CHST11: variants seen among roughly 807,000 people sequenced by gnomAD.
CHST11 encodes C4S-1.
CHST11 carries 9 observed loss-of-function variants against 30.4 expected under a neutral mutation model. That is an observed-to-expected ratio of 0.30 (90% CI 0.18 to 0.52). The LOEUF is 0.52. Ranked by LOEUF, CHST11 falls within the 20% of genes least tolerant of loss-of-function variation. The pLI, the probability that CHST11 is intolerant of heterozygous loss-of-function variation, is 0.97. For missense variants in CHST11, 348 were observed against 460.6 expected, an observed-to-expected ratio of 0.76 and a Z score of 2.24; for synonymous variants, 152 against 187.8, an observed-to-expected ratio of 0.81 and a Z score of 1.56.
intron 1 of CHST11, among the ~76,000 whole-genome samples, chr12:104,547,911 T>G (rs1218912215): frequency 6.6e-6 from 1 of 152,194 alleles, no homozygotes; most frequent in Non-Finnish European, 1.5e-5. Flanking sequence ...GCAGCTCTCT[T>G]GTACACATGA....
At chr12:104,602,939 C>T (rs2038970765) in intron 2 of CHST11, among the ~76,000 whole-genome samples, 1 of 151,966 alleles carries the variant, frequency 6.6e-6, no homozygotes, top group South Asian at 2.1e-4. Flanking sequence ...TACCCCCCTT[C>T]CCAATCTCTC....
In CHST11 at chr12:104,757,034, G is replaced by A. The variant is rs150467488; in HGVS notation, c.290G>A (p.Arg97His). ...DTCRANSATS[R>H]KRRVLTPNDL... Reference sequence around the variant, plus strand: ...TGCCGAGCCAACAGCGCCACAAGCCGTAAGCGGAGGGTGCTGACCCCCAAC... The same window carrying A: ...TGCCGAGCCAACAGCGCCACAAGCCATAAGCGGAGGGTGCTGACCCCCAAC... The change falls in exon 3 of 3, where the codon CGT becomes CAT. Residue 97 changes from arginine to histidine, a missense_variant. Coordinates refer to ENST00000303694, the MANE Select transcript of CHST11 (RefSeq NM_018413.6). This position sits in a 1 kb window ranked among gnomAD's most constrained non-coding sequence, Gnocchi z 6.5. 5.6e-5 allele frequency: 91 copies of A among 1,613,942 alleles called. No homozygotes were observed. The highest frequency in any genetic ancestry group is 6.7e-5 in the Admixed American group (4 of 60,006).
intron 1 of CHST11, among the ~76,000 whole-genome samples, chr12:104,531,035 C>A (rs1392110500): frequency 6.6e-6 from 1 of 152,202 alleles, no homozygotes; most frequent in Non-Finnish European, 1.5e-5. Context: ...GGAGCTGTAG[C>A]CAGCTTTCAT....
intron 2 of CHST11, among the ~76,000 whole-genome samples, chr12:104,741,427 G>C (rs777252622): frequency 1.3e-5 from 2 of 152,208 alleles, no homozygotes; most frequent in Non-Finnish European, 2.9e-5. Context: ...GCGTGCCTTT[G>C]GAACAATGGA....
intron 1 of CHST11, chr12:104,514,436 G>A: frequency 1.1e-6 from 1 of 883,232 alleles, no homozygotes; most frequent in Admixed American, 1.7e-5. Flanking sequence ...TCTTCACCAT[G>A]TGAGACTCTG....
In CHST11 at chr12:104,655,283, G is replaced by A. The variant is rs569905362; in HGVS notation, c.204+53292G>A. 3.3e-5 allele frequency among the ~76,000 whole-genome samples: 5 copies of A among 152,352 alleles called. No homozygotes were observed. The East Asian group carries it at 9.6e-4, about 29-fold the overall frequency. On this transcript the variant is annotated intron_variant, in intron 2 of 2. Coordinates refer to ENST00000303694, the MANE Select transcript of CHST11 (RefSeq NM_018413.6). ...TCCCCCTGACCTTCGCGCCGGAGGC[G>A]CGGGCAGGTATTTTCCACTTCACAG...
intron 2 of CHST11, among the ~76,000 whole-genome samples, chr12:104,707,856 A>C (rs1297858494): frequency 1.3e-5 from 2 of 152,234 alleles, no homozygotes; most frequent in African/African-American, 2.4e-5. Flanking sequence ...AAACACACAC[A>C]GGTGCAAGCA....
chr12:104,706,889 G>A (rs549290056), intron 2 of CHST11, among the ~76,000 whole-genome samples: 51 of 152,302 alleles, frequency 3.3e-4, no homozygotes, highest in African/African-American at 1.2e-3. Flanking sequence ...AGCTGAAAGG[G>A]GAGAGGAGAG....
In CHST11 at chr12:104,562,190, AT is replaced by A. The variant is rs376312523; in HGVS notation, c.119-39714del. ...CTGTCATCCACCCGAAATGGAATTG[AT>A]TCGCAGAAATACGGGTCACCACGGA... On this transcript the variant is annotated intron_variant, in intron 1 of 2. Coordinates refer to ENST00000303694, the MANE Select transcript of CHST11 (RefSeq NM_018413.6). Among the ~76,000 whole-genome samples, 684 of 152,256 alleles carry A rather than the reference AT, an allele frequency of 4.5e-3. 5 individuals are homozygous for A. The highest frequency in any genetic ancestry group is 0.016 in the African/African-American group (648 of 41,528).
intron 2 of CHST11, among the ~76,000 whole-genome samples, chr12:104,687,771 C>T (rs1356768323): frequency 6.6e-6 from 1 of 151,694 alleles, no homozygotes; most frequent in African/African-American, 2.4e-5. Context: ...CAAACAGCGG[C>T]CCCCGCCCCC....
chr12:104,717,288 G>T (rs755843955), intron 2 of CHST11, among the ~76,000 whole-genome samples: 3 of 152,202 alleles, frequency 2.0e-5, no homozygotes, highest in African/African-American at 4.8e-5. Context: ...TAGTCAGGAA[G>T]ATGGGAAAGT....
chr12:104,634,793 A>G (rs538105160), intron 2 of CHST11, among the ~76,000 whole-genome samples: 58 of 152,294 alleles, frequency 3.8e-4, no homozygotes, highest in African/African-American at 1.3e-3. Context: ...ATGTCTTCAG[A>G]CCAGGCATTA....
In CHST11 at chr12:104,671,482, G is replaced by C. The variant is rs548378992; in HGVS notation, c.204+69491G>C. On this transcript the variant is annotated intron_variant, in intron 2 of 2. Transcript: ENST00000303694. ...TACTGATCATTACTGTTACCAGCGCGATCATGGTTTTGATCATGGAAGCTC... is the reference window on the plus strand; with the variant it reads ...TACTGATCATTACTGTTACCAGCGCCATCATGGTTTTGATCATGGAAGCTC... Among the ~76,000 whole-genome samples, 2 of 152,132 alleles carry C rather than the reference G, an allele frequency of 1.3e-5. 1 individual carries two copies. Among genetic ancestry groups the C allele is most frequent in the South Asian group, 4.1e-4 (2 of 4,830 alleles).
intron 2 of CHST11, among the ~76,000 whole-genome samples, chr12:104,730,546 T>C (rs888611941): frequency 6.6e-6 from 1 of 151,944 alleles, no homozygotes; most frequent in African/African-American, 2.4e-5. Context: ...TATGATGAAA[T>C]GGTGTGTCTC....
At chr12:104,747,495 C>T (rs1374697774) in intron 2 of CHST11, among the ~76,000 whole-genome samples, 1 of 152,014 alleles carries the variant, frequency 6.6e-6, no homozygotes, top group Non-Finnish European at 1.5e-5. Context: ...GTGGTGTCTT[C>T]GGTGATTCCT....
At chr12:104,461,405 C>A (rs1484876395) in intron 1 of CHST11, among the ~76,000 whole-genome samples, 1 of 152,184 alleles carries the variant, frequency 6.6e-6, no homozygotes, top group Non-Finnish European at 1.5e-5. Context: ...CCAATGAATG[C>A]TTCCTATGCA....
At chr12:104,599,491 T>C (rs995965860) in intron 1 of CHST11, among the ~76,000 whole-genome samples, 5 of 152,244 alleles carry the variant, frequency 3.3e-5, no homozygotes, top group African/African-American at 4.8e-5. Context: ...GCTATGTCAT[T>C]GTGCACCAAG....
intron 1 of CHST11, among the ~76,000 whole-genome samples, chr12:104,584,859 T>G (rs1275069808): frequency 6.6e-6 from 1 of 152,204 alleles, no homozygotes; most frequent in Non-Finnish European, 1.5e-5. Context: ...TAGTTTCTGT[T>G]GAATTAATCC....
At chr12:104,615,562 C>T (rs192295811) in intron 2 of CHST11, among the ~76,000 whole-genome samples, 3 of 152,302 alleles carry the variant, frequency 2.0e-5, no homozygotes, top group Admixed American at 6.5e-5. Flanking sequence ...CCAGCACCAG[C>T]GCCTGCCGGC....
Sources: allele counts gnomAD v4.1 joint callset (sites outside exome capture counted in the v4.1 genomes callset), GRCh38; gene constraint gnomAD v4.1.1; non-coding constraint Gnocchi (gnomAD v3.1); transcripts MANE v1.5; gene names NCBI Gene and HGNC (gene_info 2026-07-23, HGNC 2026-07-21).